The following FGGY variants were observed in gnomAD, a reference collection of about 807,000 sequenced individuals.
FGGY encodes FGGY carbohydrate kinase domain-containing protein.
In FGGY, 72 loss-of-function variants were observed where a neutral mutation model predicts 71.3. The observed-to-expected ratio is 1.01, with a 90% CI of 0.84 to 1.23. The LOEUF is 1.23. FGGY is among the 50% of genes most tolerant of loss of function. FGGY has a pLI of 0.00. For synonymous variants in FGGY, 251 were observed against 250.3 expected (o/e 1.00, Z -0.02); for missense variants, 668 against 682.3 (o/e 0.98, Z 0.23).
rs2050354523 is a variant in FGGY at position 59,340,075 on chromosome 1, A to G, written c.313+6A>G. The G allele has an allele frequency of 3.1e-6, 5 of 1,591,868 alleles. No homozygotes were observed. The highest frequency in any genetic ancestry group is 4.3e-6 in the Non-Finnish European group (5 of 1,162,384). ...ATTACCAGTCAACCAGGAAGGTAAGACCATGTCTCTTCCTTTTCCCAGTGG... is the reference window on the plus strand; with the variant it reads ...ATTACCAGTCAACCAGGAAGGTAAGGCCATGTCTCTTCCTTTTCCCAGTGG... On this transcript the variant is annotated splice_donor_region_variant and intron_variant, in intron 3 of 15. Transcript: ENST00000303721.
chr1:59,401,115 CTCTT>C (rs1406477818), intron 5 of FGGY, among the ~76,000 whole-genome samples: 3 of 152,116 alleles, frequency 2.0e-5, no homozygotes, highest in Non-Finnish European at 2.9e-5. Context: ...AGCTAATACT[CTCTT>C]TCTTAGTGTT....
chr1:59,555,858 G>A (rs548215317), intron 8 of FGGY, among the ~76,000 whole-genome samples: 5 of 152,162 alleles, frequency 3.3e-5, no homozygotes, highest in East Asian at 1.9e-4. Flanking sequence ...AAAATTAGCC[G>A]GGCGTGGTGG....
chr1:59,623,078 G>A (rs2096825524), intron 9 of FGGY, among the ~76,000 whole-genome samples: 1 of 152,084 alleles, frequency 6.6e-6, no homozygotes, highest in Non-Finnish European at 1.5e-5. Flanking sequence ...TATAACTAAG[G>A]ATTGTAAAAG....
chr1:59,645,259 G>T (rs1444532746), intron 11 of FGGY, among the ~76,000 whole-genome samples: 2 of 152,214 alleles, frequency 1.3e-5, no homozygotes, highest in East Asian at 3.9e-4. Context: ...GTCAGCGCCA[G>T]ACAGTAGGTG....
intron 5 of FGGY, among the ~76,000 whole-genome samples, chr1:59,406,564 A>G (rs1375490646): frequency 2.0e-5 from 3 of 152,148 alleles, no homozygotes; most frequent in Non-Finnish European, 4.4e-5. Flanking sequence ...TTGACTCAAC[A>G]ATATATATTA....
rs567000886 is a variant in FGGY at position 59,381,482 on chromosome 1, A to G, written c.554+2645A>G. On this transcript the variant is annotated intron_variant, in intron 5 of 15. Coordinates refer to ENST00000303721, the MANE Select transcript of FGGY (RefSeq NM_018291.5). ...CTGTTAAAAGCTGAGATACAAACAT[A>G]CACATTATCCAAGGCCTACACAGGG... Among the ~76,000 whole-genome samples, 17 of 152,190 alleles carry G rather than the reference A, an allele frequency of 1.1e-4. No homozygotes were observed. The South Asian group carries it at 2.1e-3, about 19-fold the overall frequency.
intron 2 of FGGY, among the ~76,000 whole-genome samples, chr1:59,334,206 G>A (rs2049027864): frequency 6.6e-6 from 1 of 152,098 alleles, no homozygotes; most frequent in Non-Finnish European, 1.5e-5. Context: ...ACAGTTGCAT[G>A]GTCTTGGGTC....
intron 1 of FGGY, among the ~76,000 whole-genome samples, chr1:59,307,313 C>CAAAAAAAAAAAAAAAAAAAAAAA (rs398049311): frequency 1.5e-5 from 1 of 67,382 alleles, no homozygotes. Flanking sequence ...GACCCTGTCT[C>CAAAAAAAAAAAAAAAAAAAAAAA]AAAAAAAAAA....
chr1:59,424,460 T>C (rs577187887), intron 5 of FGGY, among the ~76,000 whole-genome samples: 3 of 152,254 alleles, frequency 2.0e-5, no homozygotes, highest in African/African-American at 4.8e-5. Context: ...GGCAGGAGAA[T>C]CGCTTGAACC....
intron 4 of FGGY, among the ~76,000 whole-genome samples, chr1:59,348,188 G>A (rs1227710210): frequency 6.6e-6 from 1 of 152,204 alleles, no homozygotes. Context: ...TTCTATTGGA[G>A]TTCAGAGAGG....
chr1:59,734,263 G>T (rs2098078905), intron 14 of FGGY, among the ~76,000 whole-genome samples: 1 of 152,164 alleles, frequency 6.6e-6, no homozygotes, highest in Admixed American at 6.5e-5. Context: ...GAGTGCAGTG[G>T]TACCATAACA....
chr1:59,735,343 T>TATTGTGTGTG (rs2098090993), intron 14 of FGGY, among the ~76,000 whole-genome samples: 1 of 152,144 alleles, frequency 6.6e-6, no homozygotes, highest in African/African-American at 2.4e-5. Context: ...CTTCCATTTT[T>TATTGTGTGTG]CTCCAACCTC....
At chr1:59,643,517 T>C (rs965579071) in intron 11 of FGGY, among the ~76,000 whole-genome samples, 3 of 152,072 alleles carry the variant, frequency 2.0e-5, no homozygotes, top group African/African-American at 7.2e-5. Flanking sequence ...TCAAGGCATA[T>C]CTCTATGAAA....
intron 6 of FGGY, 46 bp from the exon 7 acceptor site, chr1:59,512,265 G>C (rs1448161596): frequency 6.4e-7 from 1 of 1,557,094 alleles, no homozygotes; most frequent in Non-Finnish European, 8.7e-7. Flanking sequence ...GTTTACTTTT[G>C]TGTTTTTCAA....
At chr1:59,648,649 G>C (rs1355200394) in intron 11 of FGGY, among the ~76,000 whole-genome samples, 1 of 148,652 alleles carries the variant, frequency 6.7e-6, no homozygotes, top group Admixed American at 6.7e-5. Flanking sequence ...CTGGATATTA[G>C]CCCTTTGTCA....
chr1:59,338,309 A>G (rs2050001440), intron 2 of FGGY, among the ~76,000 whole-genome samples: 1 of 151,962 alleles, frequency 6.6e-6, no homozygotes, highest in Non-Finnish European at 1.5e-5. Context: ...TTTCTTATGT[A>G]TTTGCTTGAC....
chr1:59,653,583 G>A (rs1381718428), intron 11 of FGGY, among the ~76,000 whole-genome samples: 1 of 152,302 alleles, frequency 6.6e-6, no homozygotes, highest in East Asian at 1.9e-4. Context: ...CGCTTCCCAG[G>A]TGAGGCAATG....
At chr1:59,536,482 G>A (rs2095317850) in intron 7 of FGGY, among the ~76,000 whole-genome samples, 1 of 152,144 alleles carries the variant, frequency 6.6e-6, no homozygotes, top group Admixed American at 6.5e-5. Context: ...CATTTTATGA[G>A]GCCAGCATCA....
At chr1:59,395,277 G>GT (rs1021734930) in intron 5 of FGGY, among the ~76,000 whole-genome samples, 3 of 151,804 alleles carry the variant, frequency 2.0e-5, no homozygotes, top group African/African-American at 7.3e-5. Flanking sequence ...ACTGGGAAGA[G>GT]TTTTTTTTCA....
Sources: allele counts gnomAD v4.1 joint callset (sites outside exome capture counted in the v4.1 genomes callset), GRCh38; gene constraint gnomAD v4.1.1; transcripts MANE v1.5; gene names NCBI Gene and HGNC (gene_info 2026-07-23, HGNC 2026-07-21).